Variants in SLC25A48 observed in about 807,000 individuals in gnomAD.
SLC25A48 encodes solute carrier family 25 member 48, also known as CTC-321K16.1.
A neutral mutation model predicts 32.2 loss-of-function variants in SLC25A48; 29 were observed. That is an observed-to-expected ratio of 0.90 (90% CI 0.67 to 1.23). The LOEUF (loss-of-function observed/expected upper bound fraction) is 1.23, where lower values mean the gene tolerates loss of function less well. Among genes scored for constraint, SLC25A48 ranks in the 50% most tolerant of loss-of-function variants. The probability of loss-of-function intolerance (pLI) is 0.00; values close to 1 mark genes in which losing one functional copy is unlikely to be tolerated. For missense variants in SLC25A48, 399 were observed against 422.7 expected (o/e 0.94, Z 0.49); for synonymous variants, 164 against 172.3 (o/e 0.95, Z 0.38).
chr5:135,839,196 T>C (rs1309314846), intron 1 of SLC25A48, among the ~76,000 whole-genome samples: 1 of 152,220 alleles, frequency 6.6e-6, no homozygotes, highest in Non-Finnish European at 1.5e-5. Flanking sequence ...TGATAGCATT[T>C]GCTAACTCCT....
At chr5:135,880,540 C>T (rs1239871720) in intron 7 of SLC25A48, among the ~76,000 whole-genome samples, 1 of 152,136 alleles carries the variant, frequency 6.6e-6, no homozygotes, top group Non-Finnish European at 1.5e-5. Context: ...GCTGCCAGAG[C>T]CCTAGAGGAC....
At chr5:135,700,913 A>G (rs1200994379) in intron 3 of SLC25A48, among the ~76,000 whole-genome samples, 1 of 152,232 alleles carries the variant, frequency 6.6e-6, no homozygotes, top group African/African-American at 2.4e-5. Flanking sequence ...AGGTTGAGGC[A>G]TGACAGGGTC....
At chr5:135,791,618 G>T (rs1233365787) in intron 3 of SLC25A48, among the ~76,000 whole-genome samples, 2 of 151,578 alleles carry the variant, frequency 1.3e-5, no homozygotes, top group Non-Finnish European at 3.0e-5. Flanking sequence ...CTAGGTGGTT[G>T]TTACTCCTAA....
intron 2 of SLC25A48, among the ~76,000 whole-genome samples, chr5:135,842,757 C>T (rs192390642): frequency 6.6e-6 from 1 of 152,286 alleles, no homozygotes; most frequent in African/African-American, 2.4e-5. Context: ...TTATCCAAGC[C>T]CCTTGTTCTG....
Position 135,666,657 on chromosome 5 carries a change from CAGAGAG to C in SLC25A48, c.-521+31731_-521+31736del, listed in dbSNP as rs70976575. On this transcript the variant is annotated intron_variant, in intron 3 of 10. Transcript: ENST00000646290. Reference sequence around the variant, plus strand: ...AATAGAAGCCTGTGGTTCAGGGCATCAGAGAGAGAGAGAGAGAGAGAGAGAGAGAGA... The same window carrying C: ...AATAGAAGCCTGTGGTTCAGGGCATCAGAGAGAGAGAGAGAGAGAGAGAGA... Among the ~76,000 whole-genome samples the C allele has an allele frequency of 7.3e-3, 1,090 of 150,056 alleles. 15 individuals are homozygous for C. The highest frequency in any genetic ancestry group is 0.025 in the African/African-American group (1,025 of 40,790).
At chr5:135,698,909 A>G (rs1754327652) in intron 3 of SLC25A48, among the ~76,000 whole-genome samples, 1 of 152,258 alleles carries the variant, frequency 6.6e-6, no homozygotes, top group Non-Finnish European at 1.5e-5. Flanking sequence ...AAAGGAAGAT[A>G]TGTGAATGGC....
chr5:135,769,501 T>A (rs4507480), intron 3 of SLC25A48, among the ~76,000 whole-genome samples: 46,571 of 151,414 alleles, frequency 0.31, 7,361 homozygotes, highest in East Asian at 0.46. Flanking sequence ...GAGGAAGGTA[T>A]TACTCCTAAT....
chr5:135,797,719 A>C (rs370678121), intron 3 of SLC25A48, among the ~76,000 whole-genome samples: 84 of 149,744 alleles, frequency 5.6e-4, no homozygotes, highest in South Asian at 8.5e-4. Flanking sequence ...GAAAGTGTAA[A>C]CCCCCCCCGT....
chr5:135,802,456 A>G lies in SLC25A48; in HGVS notation c.-520-10067A>G, dbSNP rs1433491900. ...AATATCCTAGGGAGGTATTACTCCT[A>G]CTATCACAGTGGGTGTACACCATAT... On this transcript the variant is annotated intron_variant, in intron 3 of 10. Coordinates refer to the SLC25A48 transcript ENST00000646290. Among the ~76,000 whole-genome samples, 8 of 151,666 alleles carry G rather than the reference A, an allele frequency of 5.3e-5. No homozygotes were observed. The East Asian group carries it at 1.5e-3, about 29-fold the overall frequency.
At chr5:135,850,395 G>A (rs762354826) in intron 2 of SLC25A48, 30 bp from the exon 3 acceptor site, 20 of 1,612,626 alleles carry the variant, frequency 1.2e-5, no homozygotes, top group South Asian at 2.2e-5. Context: ...TAACCTCTGC[G>A]CTGACCCATG....
intron 1 of SLC25A48, among the ~76,000 whole-genome samples, chr5:135,627,819 G>C (rs1470470621): frequency 6.6e-6 from 1 of 152,090 alleles, no homozygotes; most frequent in Non-Finnish European, 1.5e-5. Context: ...GGTCACTCCT[G>C]TCATGGAGTG....
chr5:135,816,667 A>G (rs1184955880), intron 4 of SLC25A48, among the ~76,000 whole-genome samples: 3 of 152,254 alleles, frequency 2.0e-5, no homozygotes, highest in Non-Finnish European at 4.4e-5. Flanking sequence ...GTTATTAGGG[A>G]CTTCTGCTTA....
intron 3 of SLC25A48, among the ~76,000 whole-genome samples, chr5:135,712,301 C>T (rs892122240): frequency 6.6e-6 from 1 of 152,154 alleles, no homozygotes; most frequent in African/African-American, 2.4e-5. Context: ...AGAATAGAAT[C>T]TTCCAGGTGC....
intron 3 of SLC25A48, chr5:135,671,647 C>T (rs1269450097): frequency 6.6e-6 from 1 of 152,142 alleles, no homozygotes; most frequent in East Asian, 1.9e-4. Flanking sequence ...CTCACTTTCC[C>T]CGAGGGAGGT....
intron 3 of SLC25A48, among the ~76,000 whole-genome samples, chr5:135,636,125 C>T (rs909521741): frequency 2.6e-5 from 4 of 152,192 alleles, no homozygotes; most frequent in African/African-American, 9.7e-5. Flanking sequence ...GGATAATAAT[C>T]TTGTACTGAC....
chr5:135,842,551 G>T lies in SLC25A48; in HGVS notation c.90+92G>T, dbSNP rs1759096924. ...TTCCTGCTGTTTCTAATCTCTCAGAGAGTCTTCTGCCCAGGGCAGACTCTC... is the reference window on the plus strand; with the variant it reads ...TTCCTGCTGTTTCTAATCTCTCAGATAGTCTTCTGCCCAGGGCAGACTCTC... On this transcript the variant is annotated intron_variant, in intron 2 of 7. Transcript: ENST00000681962. 10 of 1,328,252 alleles carry T rather than the reference G, an allele frequency of 7.5e-6. No individual in the cohort carries two copies. The Admixed American group carries it at 1.7e-4, about 22-fold the overall frequency. 82.3% of individuals were successfully genotyped at this position (1,328,252 alleles called of 1,614,324 possible).
intron 3 of SLC25A48, among the ~76,000 whole-genome samples, chr5:135,778,835 A>ACCCC (rs1440052779): frequency 1.1e-4 from 13 of 114,638 alleles, no homozygotes; most frequent in Non-Finnish European, 1.6e-4. Context: ...AGTGGTGTAC[A>ACCCC]CACACCCCCC....
chr5:135,878,774 T>C (rs989501708), intron 6 of SLC25A48, among the ~76,000 whole-genome samples: 32 of 152,366 alleles, frequency 2.1e-4, no homozygotes, highest in African/African-American at 7.5e-4. Flanking sequence ...AGTAGGTTTC[T>C]ATCTGTGCCT....
At chr5:135,686,794 A>G (rs4246781) in intron 3 of SLC25A48, among the ~76,000 whole-genome samples, 122,958 of 152,092 alleles carry the variant, frequency 0.81, 49,950 homozygotes, top group Middle Eastern at 0.89. Flanking sequence ...AAGGATAGAC[A>G]GATATAAGTA....
Sources: gnomAD v4.1 joint callset for allele counts (sites outside exome capture counted in the v4.1 genomes callset) on GRCh38, gnomAD v4.1.1 for gene constraint, MANE v1.5 for transcripts, NCBI Gene and HGNC (gene_info 2026-07-23, HGNC 2026-07-21) for gene names.